The following RORA variants were observed in gnomAD, a reference collection of about 807,000 sequenced individuals.
The protein encoded by RORA is nuclear receptor ROR-alpha.
In RORA, 7 loss-of-function variants were observed where a neutral mutation model predicts 69.5. The ratio of observed to expected loss-of-function variants is 0.10; its 90% CI spans 0.06 to 0.19. The LOEUF (loss-of-function observed/expected upper bound fraction) is 0.19, where lower values mean the gene tolerates loss of function less well. Ranked by LOEUF, RORA falls within the 10% of genes least tolerant of loss-of-function variation. The pLI is 1.00. For synonymous variants in RORA, 261 were observed against 240.8 expected, an observed-to-expected ratio of 1.08 and a Z score of -0.78; for missense variants, 457 against 663.0, an observed-to-expected ratio of 0.69 and a Z score of 3.41.
intron 1 of RORA, among the ~76,000 whole-genome samples, chr15:60,773,621 C>T (rs985864657): frequency 2.0e-5 from 3 of 152,184 alleles, no homozygotes; most frequent in African/African-American, 7.2e-5. Flanking sequence ...AGCAAGAGAA[C>T]TCTCCATGTT....
intron 1 of RORA, among the ~76,000 whole-genome samples, chr15:61,083,382 T>A (rs2078573945): frequency 6.6e-6 from 1 of 152,202 alleles, no homozygotes; most frequent in Admixed American, 6.5e-5. Flanking sequence ...TTCCTTTAGA[T>A]GATCTGGGCC....
intron 1 of RORA, among the ~76,000 whole-genome samples, chr15:61,041,813 A>C (rs1896787648): frequency 6.6e-6 from 1 of 152,236 alleles, no homozygotes; most frequent in Admixed American, 6.5e-5. Flanking sequence ...GCTGGGACTA[A>C]AGTAATAGCA....
chr15:61,218,218 C>T (rs190243749), intron 1 of RORA, among the ~76,000 whole-genome samples: 2 of 147,034 alleles, frequency 1.4e-5, no homozygotes, highest in East Asian at 2.0e-4. Flanking sequence ...TACTAGTTCA[C>T]AATGTAATTA....
chr15:61,195,466 ATCTACAGT>A (rs1179846599), intron 1 of RORA, among the ~76,000 whole-genome samples: 5 of 151,660 alleles, frequency 3.3e-5, no homozygotes, highest in Non-Finnish European at 5.9e-5. Context: ...AGGGGTTCCG[ATCTACAGT>A]TCTAATCAAT....
intron 1 of RORA, among the ~76,000 whole-genome samples, chr15:61,224,413 G>A (rs1390094482): frequency 6.6e-6 from 1 of 152,162 alleles, no homozygotes; most frequent in Non-Finnish European, 1.5e-5. Flanking sequence ...TTATGCATTT[G>A]GCTTCCACAG....
At chr15:61,107,031 G>A (rs1198739777) in intron 1 of RORA, among the ~76,000 whole-genome samples, 1 of 152,166 alleles carries the variant, frequency 6.6e-6, no homozygotes, top group Non-Finnish European at 1.5e-5. Flanking sequence ...CATGGTCACT[G>A]AGCAGCCAGC....
intron 1 of RORA, among the ~76,000 whole-genome samples, chr15:61,157,049 AAAC>A (rs2079450013): frequency 6.6e-6 from 1 of 152,334 alleles, no homozygotes; most frequent in South Asian, 2.1e-4. Flanking sequence ...TCAGAAAACC[AAAC>A]AACCCTGCAT....
chr15:61,221,319 T>A (rs1179569299), intron 1 of RORA, among the ~76,000 whole-genome samples: 1 of 152,218 alleles, frequency 6.6e-6, no homozygotes, highest in Middle Eastern at 3.2e-3. Context: ...AGTCTGGAAT[T>A]CTTAAAACAG....
chr15:61,080,704 C>CG, intron 1 of RORA, among the ~76,000 whole-genome samples: 1 of 152,326 alleles, frequency 6.6e-6, no homozygotes, highest in Non-Finnish European at 1.5e-5. Flanking sequence ...GAGTACGTTA[C>CG]ATGGCTTAGC....
intron 2 of RORA, among the ~76,000 whole-genome samples, chr15:60,576,744 G>A (rs897678482): frequency 6.6e-6 from 1 of 152,166 alleles, no homozygotes; most frequent in Non-Finnish European, 1.5e-5. Context: ...TATGTGTTAA[G>A]GTGCCCATCA....
chr15:61,183,170 G>T (rs1310644119), intron 1 of RORA: 1 of 152,250 alleles, frequency 6.6e-6, no homozygotes, highest in Non-Finnish European at 1.5e-5. Flanking sequence ...GGGCAAGCTG[G>T]GTGAGGAGTA....
At chr15:60,895,303 A>G (rs1891201072) in intron 1 of RORA, among the ~76,000 whole-genome samples, 1 of 152,236 alleles carries the variant, frequency 6.6e-6, no homozygotes. Context: ...TGGAACATAC[A>G]TGAAGTTCAT....
chr15:60,605,517 AC>A (rs2068924554), intron 2 of RORA, among the ~76,000 whole-genome samples: 1 of 152,232 alleles, frequency 6.6e-6, no homozygotes, highest in Non-Finnish European at 1.5e-5. Context: ...AAAAGAAACT[AC>A]GTAAACAATG....
rs1369162582 is a variant in RORA, at chr15:60,511,632, A to G, written c.425-11T>C. 3.8e-6 allele frequency: 6 copies of G among 1,598,242 alleles called. No individual in the cohort carries two copies. The highest frequency in any genetic ancestry group is 5.1e-6 in the Non-Finnish European group (6 of 1,171,914). ...GGCCAAATTTTACAGCTGGAAGAAAAAAGCCAAACCATACTACATACAATG... is the reference window on the plus strand; with the variant it reads ...GGCCAAATTTTACAGCTGGAAGAAAGAAGCCAAACCATACTACATACAATG... On this transcript the variant is annotated splice_polypyrimidine_tract_variant and intron_variant, in intron 4 of 10. Transcript: ENST00000335670. The surrounding 1 kb of genome is among the most constrained non-coding windows in gnomAD (Gnocchi z 6.4).
chr15:60,799,433 C>T (rs1380691361), intron 1 of RORA, among the ~76,000 whole-genome samples: 3 of 151,840 alleles, frequency 2.0e-5, no homozygotes, highest in African/African-American at 4.8e-5. Flanking sequence ...AGTCGAGACA[C>T]TTCATGGGGC....
At chr15:61,176,681 G>T (rs1003803871) in intron 1 of RORA, among the ~76,000 whole-genome samples, 1 of 152,104 alleles carries the variant, frequency 6.6e-6, no homozygotes, top group African/African-American at 2.4e-5. Context: ...TGGGCAAGCT[G>T]CAGTTTCTTC....
At chr15:61,169,752 C>T (rs1475672501) in intron 1 of RORA, among the ~76,000 whole-genome samples, 1 of 147,892 alleles carries the variant, frequency 6.8e-6, no homozygotes, top group Non-Finnish European at 1.5e-5. Flanking sequence ...CCCCCAGCAA[C>T]TGTCTTCCTT....
At chr15:60,961,498 G>A (rs1300120990) in intron 1 of RORA, among the ~76,000 whole-genome samples, 1 of 152,210 alleles carries the variant, frequency 6.6e-6, no homozygotes, top group African/African-American at 2.4e-5. Flanking sequence ...AGACTTAAAA[G>A]TCAAGTGCCG....
At position 60,548,677 on chromosome 15, in the gene RORA, C is replaced by G. The variant is rs987332102; in HGVS notation, c.197-16826G>C. 4.6e-5 allele frequency among the ~76,000 whole-genome samples: 7 copies of G among 152,044 alleles called. No individual in the cohort carries two copies. The East Asian group carries it at 5.8e-4, about 13-fold the overall frequency. ...ATTTGAGACAGAGTCTCGCTCTGTTCCCCAGGCTGGAGTGCAGTGGCGCGA... is the reference window on the plus strand; with the variant it reads ...ATTTGAGACAGAGTCTCGCTCTGTTGCCCAGGCTGGAGTGCAGTGGCGCGA... On this transcript the variant is annotated intron_variant, in intron 2 of 10. Coordinates refer to ENST00000335670, the MANE Select transcript of RORA (RefSeq NM_134261.3).
Sources: gnomAD v4.1 joint callset for allele counts (sites outside exome capture counted in the v4.1 genomes callset) on GRCh38, gnomAD v4.1.1 for gene constraint, Gnocchi (gnomAD v3.1) non-coding constraint, MANE v1.5 for transcripts, NCBI Gene and HGNC (gene_info 2026-07-23, HGNC 2026-07-21) for gene names.